Variants in ASTN2 observed in about 807,000 individuals in gnomAD.
ASTN2 encodes astrotactin 2, also known as astrotactin-2.
Under a neutral mutation model 139.8 loss-of-function variants are expected in ASTN2, and 54 were observed. The observed-to-expected ratio is 0.39, with a 90% CI of 0.31 to 0.48. The LOEUF (loss-of-function observed/expected upper bound fraction) is 0.48, where lower values mean the gene tolerates loss of function less well. Ranked by LOEUF, ASTN2 falls within the 20% of genes least tolerant of loss-of-function variation. ASTN2 has a pLI of 0.95. For synonymous variants in ASTN2, 756 were observed against 719.5 expected (o/e 1.05, Z -0.81); for missense variants, 1,565 against 1,725.1 (o/e 0.91, Z 1.64).
chr9:116,472,611 AT>A, intron 20 of ASTN2, among the ~76,000 whole-genome samples: 1 of 152,216 alleles, frequency 6.6e-6, no homozygotes, highest in South Asian at 2.1e-4. Flanking sequence ...TTGTGTTAGA[AT>A]CATGGTTCTG....
chr9:117,310,260 C>T (rs1267487525), intron 1 of ASTN2, among the ~76,000 whole-genome samples: 2 of 152,134 alleles, frequency 1.3e-5, no homozygotes, highest in African/African-American at 4.8e-5. Context: ...ATCCTATAGC[C>T]CCAGGGGTGG....
chr9:116,784,258 C>T (rs957424973), intron 13 of ASTN2, among the ~76,000 whole-genome samples: 1 of 152,176 alleles, frequency 6.6e-6, no homozygotes, highest in African/African-American at 2.4e-5. Flanking sequence ...AGAGCAAATC[C>T]TTCACCACTA....
At chr9:117,305,455 A>G (rs1466245285) in intron 1 of ASTN2, among the ~76,000 whole-genome samples, 3 of 152,196 alleles carry the variant, frequency 2.0e-5, no homozygotes, top group Non-Finnish European at 2.9e-5. Context: ...CAGCTCCCCA[A>G]TATAGCACAG....
chr9:117,038,136 T>C (rs1183196873), intron 6 of ASTN2, among the ~76,000 whole-genome samples: 1 of 152,120 alleles, frequency 6.6e-6, no homozygotes, highest in East Asian at 1.9e-4. Context: ...TAATAGAAGT[T>C]TGAGTGTTTC....
At chr9:116,665,741 C>T (rs575925656) in intron 16 of ASTN2, among the ~76,000 whole-genome samples, 15 of 152,214 alleles carry the variant, frequency 9.9e-5, no homozygotes, top group African/African-American at 3.4e-4. Context: ...ATTGGCCTAA[C>T]ATTAAACAAT....
intron 10 of ASTN2, among the ~76,000 whole-genome samples, chr9:116,909,722 G>A (rs1328295682): frequency 6.6e-6 from 1 of 152,212 alleles, no homozygotes; most frequent in Non-Finnish European, 1.5e-5. Flanking sequence ...AGCTGCCTGT[G>A]AGGTAGGCAG....
intron 16 of ASTN2, among the ~76,000 whole-genome samples, chr9:116,705,165 T>C (rs1008184209): frequency 7.2e-5 from 11 of 152,172 alleles, no homozygotes; most frequent in African/African-American, 2.7e-4. Context: ...TCTATGACCA[T>C]TAAGTCACTT....
At chr9:117,113,753 C>G (rs2132793575) in intron 4 of ASTN2, among the ~76,000 whole-genome samples, 1 of 152,116 alleles carries the variant, frequency 6.6e-6, no homozygotes, top group South Asian at 2.1e-4. Context: ...TGGAAGATGT[C>G]AGACACAAAA....
At chr9:117,300,870 C>T (rs1423158745) in intron 1 of ASTN2, among the ~76,000 whole-genome samples, 2 of 152,282 alleles carry the variant, frequency 1.3e-5, no homozygotes, top group East Asian at 1.9e-4. Context: ...CCAGAGGTGC[C>T]TTAGACTCCT....
chr9:117,372,799 A>G (rs186095426), intron 1 of ASTN2, among the ~76,000 whole-genome samples: 16 of 152,216 alleles, frequency 1.1e-4, no homozygotes, highest in Non-Finnish European at 2.4e-4. Flanking sequence ...TAACCCCTGG[A>G]TGGTGTTGGC....
At chr9:116,640,047 C>T (rs994326479) in intron 17 of ASTN2, among the ~76,000 whole-genome samples, 3 of 151,774 alleles carry the variant, frequency 2.0e-5, no homozygotes, top group African/African-American at 4.8e-5. Context: ...AGTTTACCTG[C>T]TAATGTATAG....
chr9:116,931,834 A>G (rs772979651), intron 10 of ASTN2, among the ~76,000 whole-genome samples: 7 of 152,168 alleles, frequency 4.6e-5, no homozygotes, highest in Non-Finnish European at 8.8e-5. Context: ...TTTCAGGAAA[A>G]TATTAAGAGG....
chr9:117,039,765 C>A, intron 6 of ASTN2, 54 bp downstream of exon 6: 1 of 1,558,416 alleles, frequency 6.4e-7, no homozygotes, highest in South Asian at 1.2e-5. Flanking sequence ...TTTGACCAGT[C>A]AGGGGTGCAA....
At chr9:116,828,877 T>G (rs566082365) in intron 11 of ASTN2, among the ~76,000 whole-genome samples, 1 of 152,222 alleles carries the variant, frequency 6.6e-6, no homozygotes, top group African/African-American at 2.4e-5. Flanking sequence ...TACACCAATC[T>G]AGCTGAGAAC....
intron 16 of ASTN2, among the ~76,000 whole-genome samples, chr9:116,716,253 G>A (rs1307521088): frequency 1.3e-5 from 2 of 152,074 alleles, no homozygotes; most frequent in African/African-American, 4.8e-5. Flanking sequence ...ACGGAGAGTG[G>A]GGATGGTCTC....
intron 16 of ASTN2, chr9:116,687,466 C>G (rs1316460783): frequency 1.3e-5 from 2 of 156,770 alleles, no homozygotes; most frequent in African/African-American, 5.2e-5. Flanking sequence ...GGGGAACGTG[C>G]CGGCGTGCAG....
chr9:116,599,050 C>T (rs1446154463), intron 19 of ASTN2, among the ~76,000 whole-genome samples: 4 of 152,158 alleles, frequency 2.6e-5, no homozygotes, highest in Non-Finnish European at 5.9e-5. Context: ...ATTCAAATAC[C>T]TTCAGAGCAA....
chr9:117,061,139 T>TTTCATTTATTTA (rs140825544), intron 5 of ASTN2, among the ~76,000 whole-genome samples: 7 of 141,928 alleles, frequency 4.9e-5, no homozygotes, highest in Admixed American at 7.1e-5. Flanking sequence ...TACACCAGTC[T>TTTCATTTATTTA]TTTATTTATT....
chr9:116,498,311 T>A (rs1849734688), intron 19 of ASTN2, among the ~76,000 whole-genome samples: 1 of 152,038 alleles, frequency 6.6e-6, no homozygotes. Flanking sequence ...CCAGGCACAG[T>A]GAGTGTCCCA....
Sources: gnomAD v4.1 joint callset for allele counts (sites outside exome capture counted in the v4.1 genomes callset) on GRCh38, gnomAD v4.1.1 for gene constraint, MANE v1.5 for transcripts, NCBI Gene and HGNC (gene_info 2026-07-23, HGNC 2026-07-21) for gene names.